Variants in CACNA1C observed in about 807,000 individuals in gnomAD.
The protein encoded by CACNA1C is calcium voltage-gated channel subunit alpha1 C.
A neutral mutation model predicts 229.0 loss-of-function variants in CACNA1C; 30 were observed. The ratio of observed to expected loss-of-function variants is 0.13; its 90% CI spans 0.10 to 0.18. The LOEUF is 0.18. CACNA1C is among the 10% of genes least tolerant of loss of function. The pLI, the probability that CACNA1C is intolerant of heterozygous loss-of-function variation, is 1.00. For synonymous variants in CACNA1C, 1,114 were observed against 1,132.5 expected, an observed-to-expected ratio of 0.98 and a Z score of 0.33; for missense variants, 1,658 against 2,845.0, an observed-to-expected ratio of 0.58 and a Z score of 9.49.
intron 3 of CACNA1C, among the ~76,000 whole-genome samples, chr12:2,303,030 G>A (rs2094697803): frequency 6.6e-6 from 1 of 152,254 alleles, no homozygotes; most frequent in African/African-American, 2.4e-5. Flanking sequence ...AGGGTGCAGA[G>A]CTCCTCCTTC....
In CACNA1C at chr12:2,131,718, A is replaced by T. The variant is rs1175404478; in HGVS notation, c.477+11288A>T. On this transcript the variant is annotated intron_variant, in intron 3 of 46. Coordinates refer to ENST00000399655, the MANE Select transcript of CACNA1C (RefSeq NM_000719.7). Reference sequence around the variant, plus strand: ...TTTTGGTTACTGTAGCCTTGTAGTAAAGTTTGAAGTCAGGTAGTGTGATGC... The same window carrying T: ...TTTTGGTTACTGTAGCCTTGTAGTATAGTTTGAAGTCAGGTAGTGTGATGC... Among the ~76,000 whole-genome samples the T allele has an allele frequency of 1.1e-3, 158 of 148,052 alleles. 1 individual carries two copies. The highest frequency in any genetic ancestry group is 3.2e-3 in the East Asian group (16 of 4,994).
At chr12:2,318,334 C>T (rs1451072993) in intron 3 of CACNA1C, among the ~76,000 whole-genome samples, 4 of 152,160 alleles carry the variant, frequency 2.6e-5, no homozygotes, top group Admixed American at 2.0e-4. Flanking sequence ...ACTCTGCAGC[C>T]GCTGAAACAA....
rs1434895051 is a variant in CACNA1C, at chr12:2,633,829, G to GT, written c.3829-463dup. 2 of 658,056 alleles carry GT rather than the reference G, an allele frequency of 3.0e-6. No individual in the cohort carries two copies. Among genetic ancestry groups the GT allele is most frequent in the Non-Finnish European group, 5.3e-6 (2 of 374,830 alleles). 40.8% of individuals were successfully genotyped at this position (658,056 alleles called of 1,614,324 possible). On this transcript the variant is annotated intron_variant, in intron 29 of 46. Coordinates refer to ENST00000399655, the MANE Select transcript of CACNA1C (RefSeq NM_000719.7). This position sits in a 1 kb window ranked among gnomAD's most constrained non-coding sequence, Gnocchi z 5.8. ...TCTTTTATGTTTTTTTTAATTTCCT[G>GT]TTTTTACCCGCCTCCAGTCATGCCT... is the stretch of plus-strand genomic sequence containing the variant.
chr12:2,208,711 A>G (rs747912076), intron 3 of CACNA1C, among the ~76,000 whole-genome samples: 1 of 152,148 alleles, frequency 6.6e-6, no homozygotes, highest in Non-Finnish European at 1.5e-5. Flanking sequence ...GATCAGCCCA[A>G]ATTGGACCCC....
Position 2,002,547 on chromosome 12 carries a change from A to G in CACNA1C, c.139+31346A>G, listed in dbSNP as rs75222792. ...ATGAGGCTTTAGGTATCTAATAAACATCTGTAACTATCTTAAAAAGGTATC... is the reference window on the plus strand; with the variant it reads ...ATGAGGCTTTAGGTATCTAATAAACGTCTGTAACTATCTTAAAAAGGTATC... On this transcript the variant is annotated intron_variant, in intron 1 of 46. Coordinates refer to the CACNA1C transcript ENST00000682462. Among the ~76,000 whole-genome samples, 1,445 of 152,348 alleles carry G rather than the reference A, an allele frequency of 9.5e-3. 16 individuals are homozygous for G. Among genetic ancestry groups the G allele is most frequent in the African/African-American group, 0.033 (1,362 of 41,570 alleles).
At chr12:2,435,518 A>G (rs2099125820) in intron 3 of CACNA1C, among the ~76,000 whole-genome samples, 1 of 152,148 alleles carries the variant, frequency 6.6e-6, no homozygotes, top group Non-Finnish European at 1.5e-5. Flanking sequence ...GGTGCTGCTC[A>G]TTTGAATTCA....
At chr12:2,355,962 G>C (rs1361891671) in intron 3 of CACNA1C, among the ~76,000 whole-genome samples, 1 of 152,178 alleles carries the variant, frequency 6.6e-6, no homozygotes, top group Non-Finnish European at 1.5e-5. Context: ...CTTGCATCTT[G>C]CCCCAACCCT....
chr12:2,255,374 G>C (rs77941610), intron 3 of CACNA1C, among the ~76,000 whole-genome samples: 1,617 of 152,236 alleles, frequency 0.011, 19 homozygotes, highest in African/African-American at 0.037. Flanking sequence ...GTCATTCGGG[G>C]TGTGACAGGC....
chr12:2,353,779 C>G (rs192475541), intron 3 of CACNA1C, among the ~76,000 whole-genome samples: 155 of 152,230 alleles, frequency 1.0e-3, no homozygotes, highest in African/African-American at 3.4e-3. Context: ...GCTGAGATGG[C>G]CAGAGCCTGT....
chr12:2,195,938 G>A (rs1025269123), intron 3 of CACNA1C, among the ~76,000 whole-genome samples: 6 of 152,166 alleles, frequency 3.9e-5, no homozygotes, highest in Admixed American at 2.0e-4. Flanking sequence ...CACGTGGTCC[G>A]AGCTCCTGGA....
intron 3 of CACNA1C, among the ~76,000 whole-genome samples, chr12:2,429,509 T>A (rs113907057): frequency 0.021 from 3,263 of 152,280 alleles, 124 homozygotes; most frequent in African/African-American, 0.073. Flanking sequence ...TCCACCGTAG[T>A]CCAGTGGGGT....
In CACNA1C at chr12:2,379,769, C is replaced by T. The variant is rs188763017; in HGVS notation, c.478-69207C>T. Among the ~76,000 whole-genome samples, 747 of 152,154 alleles carry T rather than the reference C, an allele frequency of 4.9e-3. 6 individuals carry two copies. Among genetic ancestry groups the T allele is most frequent in the African/African-American group, 0.017 (713 of 41,498 alleles). ...AGACATGGCCGGGCGCGGTGGCTCA[C>T]GCCTGTAATCCCAGCACTTTGGGAG... On this transcript the variant is annotated intron_variant, in intron 3 of 46. Coordinates refer to ENST00000399655, the MANE Select transcript of CACNA1C (RefSeq NM_000719.7).
intron 3 of CACNA1C, among the ~76,000 whole-genome samples, chr12:2,420,820 C>T (rs2098970938): frequency 1.3e-5 from 2 of 152,210 alleles, no homozygotes. Flanking sequence ...TCTGGAGGAA[C>T]ATACCTATTT....
chr12:2,084,498 T>C (rs1405773341), intron 1 of CACNA1C, among the ~76,000 whole-genome samples: 1 of 152,184 alleles, frequency 6.6e-6, no homozygotes, highest in East Asian at 1.9e-4. Context: ...TTTCCAGACT[T>C]CTTGTCCCCA....
At chr12:2,141,818 G>T (rs1230189512) in intron 3 of CACNA1C, among the ~76,000 whole-genome samples, 1 of 151,244 alleles carries the variant, frequency 6.6e-6, no homozygotes, top group African/African-American at 2.4e-5. Flanking sequence ...TGGAAGTGGG[G>T]TGAGGCAGAC....
intron 1 of CACNA1C, among the ~76,000 whole-genome samples, chr12:2,114,185 C>T (rs973596021): frequency 6.6e-6 from 1 of 152,218 alleles, no homozygotes; most frequent in Non-Finnish European, 1.5e-5. Flanking sequence ...TGGGGTCTCT[C>T]CTGGGGTGGC....
At chr12:2,129,945 C>A (rs1197198226) in intron 3 of CACNA1C, among the ~76,000 whole-genome samples, 1 of 152,152 alleles carries the variant, frequency 6.6e-6, no homozygotes, top group Non-Finnish European at 1.5e-5. Context: ...ACCTATGGGG[C>A]TTACTTATGA....
chr12:2,056,202 T>A (rs1184310926), intron 1 of CACNA1C, among the ~76,000 whole-genome samples: 11 of 25,494 alleles, frequency 4.3e-4, no homozygotes, highest in African/African-American at 2.2e-3. Flanking sequence ...TGTGAGTGTG[T>A]GTGTGTGTGT....
intron 3 of CACNA1C, among the ~76,000 whole-genome samples, chr12:2,165,602 C>A (rs112339784): frequency 1.3e-5 from 2 of 151,810 alleles, no homozygotes; most frequent in Admixed American, 6.5e-5. Context: ...GGATGAACAT[C>A]GCCCAGCTTT....
Sources: allele counts gnomAD v4.1 joint callset (sites outside exome capture counted in the v4.1 genomes callset), GRCh38; gene constraint gnomAD v4.1.1; non-coding constraint Gnocchi (gnomAD v3.1); transcripts MANE v1.5; gene names NCBI Gene and HGNC (gene_info 2026-07-23, HGNC 2026-07-21).